The following ASIC2 variants were observed in gnomAD, a reference collection of about 807,000 sequenced individuals.
ASIC2 encodes the protein acid sensing ion channel subunit 2, also known as acid-sensing ion channel 2.
In ASIC2, 25 loss-of-function variants were observed where a neutral mutation model predicts 57.3. The observed-to-expected ratio is 0.44, with a 90% CI of 0.32 to 0.61. ASIC2 has a LOEUF of 0.61. ASIC2 is among the 20% of genes least tolerant of loss of function. The probability of loss-of-function intolerance (pLI) is 0.06; values close to 1 mark genes in which losing one functional copy is unlikely to be tolerated. For missense variants in ASIC2, 641 were observed against 738.1 expected (o/e 0.87, Z 1.52); for synonymous variants, 319 against 307.5 (o/e 1.04, Z -0.39).
At chr17:33,913,362 A>G (rs1915509973) in intron 1 of ASIC2, among the ~76,000 whole-genome samples, 1 of 152,156 alleles carries the variant, frequency 6.6e-6, no homozygotes, top group African/African-American at 2.4e-5. Flanking sequence ...TGTTGTGTCT[A>G]TCCCATGGCA....
chr17:33,995,410 T>A (rs1417988789), intron 1 of ASIC2, among the ~76,000 whole-genome samples: 1 of 152,038 alleles, frequency 6.6e-6, no homozygotes, highest in African/African-American at 2.4e-5. Flanking sequence ...CTACCTCATC[T>A]CCTCCTCACT....
chr17:34,155,996 GC>G lies in ASIC2; in HGVS notation c.536del (p.Gly179AlafsTer66). The G allele has an allele frequency of 6.2e-7, 1 of 1,609,296 alleles. No homozygotes were observed. Reference sequence around the variant, plus strand: ...TACTCACTGTGGTGAAGTCTTGGTGGCCGCACTCCTGCCCTTTGAACTTGCA... The same window carrying G: ...TACTCACTGTGGTGAAGTCTTGGTGGCGCACTCCTGCCCTTTGAACTTGCA... On this transcript the variant is annotated frameshift_variant, in exon 1 of 10. Coordinates refer to the ASIC2 transcript ENST00000359872. LOFTEE classifies it high-confidence loss of function.
At chr17:33,860,955 C>T (rs760858237) in intron 1 of ASIC2, among the ~76,000 whole-genome samples, 33 of 152,156 alleles carry the variant, frequency 2.2e-4, no homozygotes, top group Non-Finnish European at 4.6e-4. Context: ...GGATCTAGCA[C>T]CCACACTGTG....
chr17:34,144,455 A>C (rs1912361448), intron 1 of ASIC2, among the ~76,000 whole-genome samples: 1 of 152,162 alleles, frequency 6.6e-6, no homozygotes, highest in Non-Finnish European at 1.5e-5. Flanking sequence ...GATTTCCAAA[A>C]AATCGTCTTG....
chr17:33,422,298 T>A (rs529303309), intron 1 of ASIC2, among the ~76,000 whole-genome samples: 1 of 152,248 alleles, frequency 6.6e-6, no homozygotes, highest in Non-Finnish European at 1.5e-5. Flanking sequence ...GGCTCCCAGA[T>A]GCTGGCAGAA....
chr17:33,941,023 C>T (rs545182653), intron 1 of ASIC2, among the ~76,000 whole-genome samples: 25 of 152,312 alleles, frequency 1.6e-4, no homozygotes, highest in East Asian at 3.9e-4. Flanking sequence ...GCTCAGGCAG[C>T]GACTGGCAGT....
intron 1 of ASIC2, among the ~76,000 whole-genome samples, chr17:33,930,966 T>G (rs1047837933): frequency 1.3e-5 from 2 of 152,196 alleles, no homozygotes; most frequent in African/African-American, 4.8e-5. Flanking sequence ...CCGCCCAGGC[T>G]GGAGTGCAGT....
chr17:33,994,932 C>T (rs1289526863), intron 1 of ASIC2, among the ~76,000 whole-genome samples: 1 of 152,152 alleles, frequency 6.6e-6, no homozygotes, highest in Non-Finnish European at 1.5e-5. Flanking sequence ...ATTGCTCTCT[C>T]AAGGAGGTGA....
chr17:33,542,055 C>G (rs1195225747), intron 1 of ASIC2, among the ~76,000 whole-genome samples: 1 of 152,346 alleles, frequency 6.6e-6, no homozygotes, highest in Admixed American at 6.5e-5. Context: ...TGAATACACT[C>G]TCTGTTGTAT....
intron 1 of ASIC2, among the ~76,000 whole-genome samples, chr17:33,281,693 T>A (rs1904956844): frequency 1.3e-5 from 2 of 152,216 alleles, no homozygotes; most frequent in Non-Finnish European, 2.9e-5. Flanking sequence ...GAGGAAGGAA[T>A]GCATTGGTGC....
intron 1 of ASIC2, among the ~76,000 whole-genome samples, chr17:33,730,870 C>G (rs1415130004): frequency 1.1e-4 from 17 of 152,120 alleles, no homozygotes; most frequent in Admixed American, 1.1e-3. Flanking sequence ...AAGATATATC[C>G]CCCCTGTTTC....
At chr17:33,273,549 G>C (rs578212908) in intron 1 of ASIC2, among the ~76,000 whole-genome samples, 7 of 152,132 alleles carry the variant, frequency 4.6e-5, no homozygotes, top group Non-Finnish European at 1.0e-4. Flanking sequence ...ACCACTGAAG[G>C]GGGTGGAGGT....
At chr17:33,333,229 A>C (rs977655869) in intron 1 of ASIC2, among the ~76,000 whole-genome samples, 8 of 152,240 alleles carry the variant, frequency 5.3e-5, no homozygotes, top group Non-Finnish European at 1.2e-4. Context: ...GATATAAAAA[A>C]ATCCATTCAC....
intron 1 of ASIC2, among the ~76,000 whole-genome samples, chr17:33,516,376 ATGTG>A (rs1243676203): frequency 2.1e-5 from 3 of 146,212 alleles, no homozygotes; most frequent in East Asian, 2.0e-4. Context: ...GTGAGTGTGA[ATGTG>A]TGTTTGTAAG....
chr17:34,111,750 A>G (rs549522833), intron 1 of ASIC2, among the ~76,000 whole-genome samples: 1 of 152,318 alleles, frequency 6.6e-6, no homozygotes, highest in Admixed American at 6.5e-5. Flanking sequence ...AAGGATTTCT[A>G]TGTATGAACA....
At chr17:33,121,297 G>A (rs1205784348) in intron 1 of ASIC2, among the ~76,000 whole-genome samples, 1 of 152,208 alleles carries the variant, frequency 6.6e-6, no homozygotes, top group Non-Finnish European at 1.5e-5. Flanking sequence ...ACCACATCAG[G>A]CCTTGGGGAT....
rs556415774 is a variant in ASIC2 at position 33,579,572 on chromosome 17, G to A, written c.556-467505C>T. Among the ~76,000 whole-genome samples, 7 of 152,262 alleles carry A rather than the reference G, an allele frequency of 4.6e-5. No homozygotes were observed. In the South Asian group the frequency reaches 1.5e-3, roughly 32 times the overall value. Reference sequence around the variant, plus strand: ...GAATGAAAGGGCAGACCCTACTGGTGAGTGTTACAGCTCTTAAAGATGGTG... The same window carrying A: ...GAATGAAAGGGCAGACCCTACTGGTAAGTGTTACAGCTCTTAAAGATGGTG... On this transcript the variant is annotated intron_variant, in intron 1 of 9. Transcript: ENST00000359872.
At chr17:33,433,994 T>C (rs1274079304) in intron 1 of ASIC2, among the ~76,000 whole-genome samples, 1 of 151,798 alleles carries the variant, frequency 6.6e-6, no homozygotes. Context: ...GGAGAAAATT[T>C]TTAAAAATCA....
At chr17:33,319,859 G>A (rs1434134497) in intron 1 of ASIC2, among the ~76,000 whole-genome samples, 1 of 152,164 alleles carries the variant, frequency 6.6e-6, no homozygotes, top group African/African-American at 2.4e-5. Context: ...TAAATGTACA[G>A]TAAATTATTG....
Sources: allele counts gnomAD v4.1 joint callset (sites outside exome capture counted in the v4.1 genomes callset), GRCh38; gene constraint gnomAD v4.1.1; transcripts MANE v1.5; gene names NCBI Gene and HGNC (gene_info 2026-07-23, HGNC 2026-07-21).